EAF2: variants seen among roughly 807,000 people sequenced by gnomAD.
EAF2 encodes the protein ELL-associated factor 2.
Under a neutral mutation model 29.4 loss-of-function variants are expected in EAF2, and 29 were observed. The ratio of observed to expected loss-of-function variants is 0.99; its 90% CI spans 0.73 to 1.35. EAF2 has a LOEUF of 1.35. EAF2 is among the 40% of genes most tolerant of loss of function. EAF2 has a pLI of 0.00. For synonymous variants in EAF2, 103 were observed against 102.5 expected, an observed-to-expected ratio of 1.00 and a Z score of -0.03; for missense variants, 292 against 312.0, an observed-to-expected ratio of 0.94 and a Z score of 0.48.
intron 4 of EAF2, among the ~76,000 whole-genome samples, chr3:121,857,956 G>T (rs1418337568): frequency 1.3e-5 from 2 of 152,190 alleles, no homozygotes; most frequent in African/African-American, 4.8e-5. Context: ...TGCTCAGAAT[G>T]ATGGTTTCCA....
intron 4 of EAF2, 75 bp from the exon 5 acceptor site, chr3:121,872,462 A>T: frequency 8.6e-7 from 1 of 1,159,704 alleles, no homozygotes; most frequent in Non-Finnish European, 1.2e-6. Context: ...CTTAAAAACT[A>T]ATACATTCAA....
chr3:121,858,047 A>G (rs1708755510), intron 4 of EAF2, among the ~76,000 whole-genome samples: 1 of 151,998 alleles, frequency 6.6e-6, no homozygotes, highest in African/African-American at 2.4e-5. Context: ...TATGTGCCAC[A>G]TTTTCTTAAT....
intron 2 of EAF2, among the ~76,000 whole-genome samples, chr3:121,852,491 C>T (rs149657182): frequency 6.7e-4 from 102 of 152,302 alleles, no homozygotes; most frequent in African/African-American, 1.2e-3. Flanking sequence ...TCTTCATCTA[C>T]GTGTTGTGCA....
At chr3:121,869,705 CA>C (rs956699675) in intron 4 of EAF2, among the ~76,000 whole-genome samples, 17 of 145,458 alleles carry the variant, frequency 1.2e-4, no homozygotes, top group African/African-American at 2.3e-4. Flanking sequence ...AGAGTCTCTA[CA>C]AAAAAAAAAA....
At chr3:121,880,006 T>C (rs1414705926) in intron 5 of EAF2, among the ~76,000 whole-genome samples, 1 of 152,180 alleles carries the variant, frequency 6.6e-6, no homozygotes, top group Non-Finnish European at 1.5e-5. Context: ...ATTCTTTCAA[T>C]CTTTGAACAT....
chr3:121,870,191 C>A (rs1350499345), intron 4 of EAF2, among the ~76,000 whole-genome samples: 1 of 151,970 alleles, frequency 6.6e-6, no homozygotes, highest in African/African-American at 2.4e-5. Context: ...CCAGTATTAC[C>A]CCTAATACCC....
rs1050607195 is a variant in EAF2, at chr3:121,878,421, T to C, written c.736+5633T>C. ...GGGGGGTTAAGAACATTTCAAATCT[T>C]CTCTTTTAGCTATTTTGAAATATAC... On this transcript the variant is annotated intron_variant, in intron 5 of 5. Coordinates refer to ENST00000273668, the MANE Select transcript of EAF2 (RefSeq NM_018456.6). 2.6e-5 allele frequency among the ~76,000 whole-genome samples: 4 copies of C among 152,148 alleles called. 1 individual carries two copies. The highest frequency in any genetic ancestry group is 2.6e-4 in the Admixed American group (4 of 15,264).
At chr3:121,836,337 C>T (rs931370036) in intron 1 of EAF2, 1 of 152,108 alleles carries the variant, frequency 6.6e-6, no homozygotes, top group African/African-American at 2.4e-5. Flanking sequence ...TCATTCTGTT[C>T]TCGGGTTGTT....
chr3:121,840,422 C>A (rs1282558946), intron 1 of EAF2, among the ~76,000 whole-genome samples: 4 of 130,494 alleles, frequency 3.1e-5, no homozygotes. Context: ...ACCAGGGAGG[C>A]GGAGATTGTA....
intron 5 of EAF2, 195 bp downstream of exon 5, chr3:121,872,983 CT>C: frequency 1.2e-6 from 1 of 844,906 alleles, no homozygotes. Context: ...TCTCCCATCT[CT>C]CTAGATAATC....
intron 3 of EAF2, among the ~76,000 whole-genome samples, chr3:121,855,428 A>G (rs569118097): frequency 6.6e-6 from 1 of 152,330 alleles, no homozygotes; most frequent in South Asian, 2.1e-4. Flanking sequence ...TGGAAAATTC[A>G]GGGAGGCCTT....
chr3:121,860,965 A>G (rs926168830), intron 4 of EAF2, among the ~76,000 whole-genome samples: 1 of 152,138 alleles, frequency 6.6e-6, no homozygotes, highest in African/African-American at 2.4e-5. Context: ...TTCAGTTTCC[A>G]TGTAGTTGTG....
chr3:121,837,581 T>A (rs536859673), intron 1 of EAF2: 12 of 152,306 alleles, frequency 7.9e-5, no homozygotes, highest in African/African-American at 2.9e-4. Flanking sequence ...TTACATTTCA[T>A]GGTTTGTGTA....
At chr3:121,872,979 A>G (rs1309128578) in intron 5 of EAF2, 191 bp downstream of exon 5, 12 of 849,004 alleles carry the variant, frequency 1.4e-5, no homozygotes, top group Middle Eastern at 2.2e-4. Context: ...TTTTTCTCCC[A>G]TCTCTCTAGA....
chr3:121,861,884 A>T (rs887824650), intron 4 of EAF2, among the ~76,000 whole-genome samples: 2 of 152,174 alleles, frequency 1.3e-5, no homozygotes, highest in Non-Finnish European at 2.9e-5. Flanking sequence ...AAAATCTCTC[A>T]GCATTTGCTT....
At position 121,858,902 on chromosome 3, in the gene EAF2, C is replaced by T. The variant is rs527550791; in HGVS notation, c.484+1746C>T. 3.9e-5 allele frequency among the ~76,000 whole-genome samples: 6 copies of T among 152,256 alleles called. No individual in the cohort carries two copies. The East Asian group carries it at 1.2e-3, about 29-fold the overall frequency. On this transcript the variant is annotated intron_variant, in intron 4 of 5. Transcript: ENST00000273668. Reference sequence around the variant, plus strand: ...TTTCTACATACGGCTAGCCAGTTTTCCCAGCACCATATATTAAACAGGGAA... The same window carrying T: ...TTTCTACATACGGCTAGCCAGTTTTTCCAGCACCATATATTAAACAGGGAA...
Position 121,875,689 on chromosome 3 carries a change from C to A in EAF2, c.736+2901C>A, listed in dbSNP as rs545585187. Among the ~76,000 whole-genome samples, 47 of 151,702 alleles carry A rather than the reference C, an allele frequency of 3.1e-4. 1 individual carries two copies. In the South Asian group the frequency reaches 9.4e-3, roughly 30 times the overall value. Reference sequence around the variant, plus strand: ...TTTAAATAAGTACGCTAAAAACATTCAAAGAGATAAATGAAGATACAGCTT... The same window carrying A: ...TTTAAATAAGTACGCTAAAAACATTAAAAGAGATAAATGAAGATACAGCTT... On this transcript the variant is annotated intron_variant, in intron 5 of 5. Transcript: ENST00000273668.
At position 121,864,258 on chromosome 3, in the gene EAF2, A is replaced by G. The variant is rs148143328; in HGVS notation, c.484+7102A>G. 2.7e-3 allele frequency among the ~76,000 whole-genome samples: 407 copies of G among 152,286 alleles called. 1 individual carries two copies. Among genetic ancestry groups the G allele is most frequent in the African/African-American group, 9.4e-3 (389 of 41,552 alleles). The stretch of plus-strand genomic sequence containing the variant: ...CACTTTGCCTTCTTAAAATTTTCAC[A>G]TAGCTGTCCAATTTCAGTGTTCCCT... On this transcript the variant is annotated intron_variant, in intron 4 of 5. Coordinates refer to ENST00000273668, the MANE Select transcript of EAF2 (RefSeq NM_018456.6).
intron 1 of EAF2, among the ~76,000 whole-genome samples, chr3:121,840,515 A>AAACAAAAAAC (rs1553725710): frequency 1.7e-4 from 17 of 97,890 alleles, no homozygotes; most frequent in Admixed American, 5.2e-4. Flanking sequence ...AAAAGAAAAA[A>AAACAAAAAAC]AAAAAACGGG....
Sources: gnomAD v4.1 joint callset for allele counts (sites outside exome capture counted in the v4.1 genomes callset) on GRCh38, gnomAD v4.1.1 for gene constraint, MANE v1.5 for transcripts, NCBI Gene and HGNC (gene_info 2026-07-23, HGNC 2026-07-21) for gene names.